The following FOXK1 variants were observed in gnomAD, a reference collection of about 807,000 sequenced individuals.
FOXK1 encodes the protein forkhead box K1.
A neutral mutation model predicts 51.9 loss-of-function variants in FOXK1; 19 were observed. That is an observed-to-expected ratio of 0.37 (90% confidence interval 0.26 to 0.54). The LOEUF is 0.54. FOXK1 is among the 20% of genes least tolerant of loss of function. FOXK1 has a pLI of 0.87. For synonymous variants in FOXK1, 537 were observed against 482.6 expected (o/e 1.11, Z -1.48); for missense variants, 870 against 1,032.7 (o/e 0.84, Z 2.16).
chr7:4,717,403 G>A (rs953875635), intron 1 of FOXK1, among the ~76,000 whole-genome samples: 5 of 147,740 alleles, frequency 3.4e-5, no homozygotes, highest in African/African-American at 5.0e-5. Context: ...AGGTGGTAGC[G>A]GGAGGTGTGT....
intron 1 of FOXK1, among the ~76,000 whole-genome samples, chr7:4,725,632 T>A (rs1780371212): frequency 6.6e-6 from 1 of 152,238 alleles, no homozygotes; most frequent in Admixed American, 6.5e-5. Context: ...TGTGGCTGTG[T>A]TGGGAGGACG....
rs75029514 is a variant in FOXK1, at chr7:4,722,007, A to T, written c.561-18831A>T. On this transcript the variant is annotated intron_variant, in intron 1 of 8. Coordinates refer to ENST00000328914, the MANE Select transcript of FOXK1 (RefSeq NM_001037165.2). This position sits in a 1 kb window ranked among gnomAD's most constrained non-coding sequence, Gnocchi z 5.1. The stretch of plus-strand genomic sequence containing the variant: ...CGCACAGCCGTGTTACTTTCTCCCA[A>T]AGGAGGCAGCCGGGGTGAGACTGGT... Among the ~76,000 whole-genome samples, 2,383 of 152,302 alleles carry T rather than the reference A, an allele frequency of 0.016. 61 individuals are homozygous for T. The highest frequency in any genetic ancestry group is 0.054 in the African/African-American group (2,228 of 41,556).
At chr7:4,705,523 C>T (rs887630431) in intron 1 of FOXK1, among the ~76,000 whole-genome samples, 1 of 124,894 alleles carries the variant, frequency 8.0e-6, no homozygotes, top group African/African-American at 3.8e-5. Flanking sequence ...CTCTTTCTCT[C>T]TCTCTCTCTC....
intron 1 of FOXK1, among the ~76,000 whole-genome samples, chr7:4,691,352 A>G (rs11974636): frequency 0.099 from 15,106 of 152,210 alleles, 2,370 homozygotes; most frequent in African/African-American, 0.33. Context: ...ATCAATAGAC[A>G]TACAGAGAGC....
chr7:4,743,856 G>A lies in FOXK1; in HGVS notation c.746+2833G>A, dbSNP rs1001725882. On this transcript the variant is annotated intron_variant, in intron 2 of 8. Coordinates refer to ENST00000328914, the MANE Select transcript of FOXK1 (RefSeq NM_001037165.2). The surrounding 1 kb of genome is among the most constrained non-coding windows in gnomAD (Gnocchi z 5.3). ...CTGGGAGTGGGTTATTAATCAGCAGGTTGTAATCCAGCTAAACAGAAGCTT... is the reference window on the plus strand; with the variant it reads ...CTGGGAGTGGGTTATTAATCAGCAGATTGTAATCCAGCTAAACAGAAGCTT... 1.3e-5 allele frequency among the ~76,000 whole-genome samples: 2 copies of A among 151,974 alleles called. No individual in the cohort carries two copies. Among genetic ancestry groups the A allele is most frequent in the Non-Finnish European group, 2.9e-5 (2 of 68,028 alleles).
Position 4,682,883 on chromosome 7 carries a change from G to GA in FOXK1, c.560+16dup, listed in dbSNP as rs778432069. 6.9e-7 allele frequency: 1 copy of GA among 1,447,868 alleles called. No individual in the cohort carries two copies. The highest frequency in any genetic ancestry group is 2.8e-5 in the East Asian group (1 of 36,092). The allele number at this position is 1,447,868 out of a possible 1,614,324, so 89.7% of individuals were successfully genotyped here. On this transcript the variant is annotated intron_variant, in intron 1 of 8. Coordinates refer to ENST00000328914, the MANE Select transcript of FOXK1 (RefSeq NM_001037165.2). This position sits in a 1 kb window ranked among gnomAD's most constrained non-coding sequence, Gnocchi z 7.6. Reference sequence around the variant, plus strand: ...CTGCCCAAGCAGTGAGTGGCCCCGCGACCCCCGCCGCCCGCACCCGGGGCT... The same window carrying GA: ...CTGCCCAAGCAGTGAGTGGCCCCGCGAACCCCCGCCGCCCGCACCCGGGGCT...
chr7:4,736,076 G>A (rs552622995), intron 1 of FOXK1, among the ~76,000 whole-genome samples: 3 of 152,260 alleles, frequency 2.0e-5, no homozygotes, highest in South Asian at 2.1e-4. Context: ...TTGAACCTGG[G>A]AGGCGGAGGT....
chr7:4,732,900 C>T (rs74628217), intron 1 of FOXK1, among the ~76,000 whole-genome samples: 370 of 152,344 alleles, frequency 2.4e-3, no homozygotes, highest in African/African-American at 8.2e-3. Context: ...ACTCGTCCAG[C>T]GTTCTCTGTA....
chr7:4,684,455 G>A (rs570321133), intron 1 of FOXK1, among the ~76,000 whole-genome samples: 3 of 152,228 alleles, frequency 2.0e-5, no homozygotes, highest in Non-Finnish European at 2.9e-5. Context: ...CCCTTGGGGC[G>A]TGAGAGGGGA....
Position 4,758,983 on chromosome 7 carries a change from T to A in FOXK1, c.1245-68T>A. ...CGGGTGACGGCGCTGAGATGCGTGA[T>A]GTCTCGGAAACGTCCTCGCATCCCT... On this transcript the variant is annotated intron_variant, in intron 5 of 8. Coordinates refer to ENST00000328914, the MANE Select transcript of FOXK1 (RefSeq NM_001037165.2). This position sits in a 1 kb window ranked among gnomAD's most constrained non-coding sequence, Gnocchi z 4.4. The A allele has an allele frequency of 6.7e-7, 1 of 1,488,514 alleles. No homozygotes were observed. 92.2% of individuals were successfully genotyped at this position (1,488,514 alleles called of 1,614,324 possible). A position where few individuals can be genotyped will look rare whatever the true frequency, so the allele number is the denominator to read the frequency against.
In FOXK1 at chr7:4,745,709, G is replaced by A. The variant is rs1250772214; in HGVS notation, c.746+4686G>A. 6.6e-6 allele frequency among the ~76,000 whole-genome samples: 1 copy of A among 151,956 alleles called. No homozygotes were observed. The highest frequency in any genetic ancestry group is 1.5e-5 in the Non-Finnish European group (1 of 67,992). On this transcript the variant is annotated intron_variant, in intron 2 of 8. Coordinates refer to ENST00000328914, the MANE Select transcript of FOXK1 (RefSeq NM_001037165.2). This position sits in a 1 kb window ranked among gnomAD's most constrained non-coding sequence, Gnocchi z 4.3. Reference sequence around the variant, plus strand: ...ACCTGAGGTCAGGAGTTCGAGACCAGCCTGGTCAACATTGTGAAACCCCAT... The same window carrying A: ...ACCTGAGGTCAGGAGTTCGAGACCAACCTGGTCAACATTGTGAAACCCCAT...
At chr7:4,691,988 C>T (rs1779898342) in intron 1 of FOXK1, among the ~76,000 whole-genome samples, 1 of 152,188 alleles carries the variant, frequency 6.6e-6, no homozygotes, top group Admixed American at 6.5e-5. Flanking sequence ...TATACTCCTA[C>T]ACATTACTGG....
intron 1 of FOXK1, among the ~76,000 whole-genome samples, chr7:4,687,480 A>G (rs918956348): frequency 6.6e-6 from 1 of 151,718 alleles, no homozygotes; most frequent in Non-Finnish European, 1.5e-5. Flanking sequence ...TCTAGGAGAG[A>G]CGGGGTTTCA....
chr7:4,713,303 G>A (rs1384498473), intron 1 of FOXK1, among the ~76,000 whole-genome samples: 1 of 150,600 alleles, frequency 6.6e-6, no homozygotes, highest in Admixed American at 6.6e-5. Context: ...TCTGGGGTTG[G>A]GGCGGGCTGG....
chr7:4,724,405 A>G (rs1780353072), intron 1 of FOXK1, among the ~76,000 whole-genome samples: 1 of 152,144 alleles, frequency 6.6e-6, no homozygotes, highest in Non-Finnish European at 1.5e-5. Context: ...CATGTTGGCC[A>G]GGGTGGTCTC....
chr7:4,706,215 T>C (rs1780100498), intron 1 of FOXK1, among the ~76,000 whole-genome samples: 1 of 152,028 alleles, frequency 6.6e-6, no homozygotes, highest in African/African-American at 2.4e-5. Context: ...AAGAGATCTA[T>C]AGCAGGGACT....
At chr7:4,691,875 G>A (rs1779895934) in intron 1 of FOXK1, among the ~76,000 whole-genome samples, 1 of 152,094 alleles carries the variant, frequency 6.6e-6, no homozygotes, top group African/African-American at 2.4e-5. Context: ...TCCCCTAAGT[G>A]TCAAAGGGCA....
In FOXK1 at chr7:4,762,370, A is replaced by G; in HGVS notation, c.2108A>G (p.Lys703Arg). 1 of 1,550,226 alleles carries G rather than the reference A, an allele frequency of 6.5e-7. No homozygotes were observed. The highest frequency in any genetic ancestry group is 1.2e-5 in the South Asian group (1 of 84,042). The change falls in exon 9 of 9, where the codon AAA (lysine) becomes AGA (arginine). Residue 703 changes from lysine to arginine, a missense_variant. Physicochemically the swap from Lys to Arg is conservative, Grantham distance 26. Transcript: ENST00000328914. This position sits in a 1 kb window ranked among gnomAD's most constrained non-coding sequence, Gnocchi z 5.7. ...TCTTCCACTGGAGAGCCCGAGGTCA[A>G]AAGGTCCCGGGTGGAGGAGCCCAGT... ...SASSTGEPEV[K>R]RSRVEEPSGA... is the part of the protein sequence containing the mutation.
intron 2 of FOXK1, among the ~76,000 whole-genome samples, chr7:4,744,176 C>T (rs573646335): frequency 4.6e-5 from 7 of 151,166 alleles, no homozygotes; most frequent in African/African-American, 7.4e-5. Flanking sequence ...ATAGTAAAGT[C>T]GCTTTTATTA....
Sources: gnomAD v4.1 joint callset for allele counts (sites outside exome capture counted in the v4.1 genomes callset) on GRCh38, gnomAD v4.1.1 for gene constraint, Gnocchi (gnomAD v3.1) non-coding constraint, MANE v1.5 for transcripts, NCBI Gene and HGNC (gene_info 2026-07-23, HGNC 2026-07-21) for gene names.